SLC24A2: variants seen among roughly 807,000 people sequenced by gnomAD.
SLC24A2 encodes the protein sodium/potassium/calcium exchanger 2.
In SLC24A2, 36 loss-of-function variants were observed where a neutral mutation model predicts 62.0. The observed-to-expected ratio is 0.58, with a 90% CI of 0.44 to 0.77. The LOEUF (loss-of-function observed/expected upper bound fraction) is 0.77, where lower values mean the gene tolerates loss of function less well. Ranked by LOEUF, SLC24A2 falls within the 30% of genes least tolerant of loss-of-function variation. SLC24A2 has a pLI of 0.00. For missense variants in SLC24A2, 846 were observed against 817.9 expected, an observed-to-expected ratio of 1.03 and a Z score of -0.42; for synonymous variants, 358 against 294.0, an observed-to-expected ratio of 1.22 and a Z score of -2.23.
chr9:19,584,602 T>A (rs142884804), intron 5 of SLC24A2, among the ~76,000 whole-genome samples: 8 of 152,202 alleles, frequency 5.3e-5, no homozygotes, highest in Non-Finnish European at 1.0e-4. Context: ...GAGGCAGGCT[T>A]AATTTTTATT....
At chr9:19,913,567 G>A in the SLC24A2 span, among the ~76,000 whole-genome samples, 1,732 of 152,204 alleles carry the variant, frequency 0.011, 37 homozygotes, top group African/African-American at 0.04. Flanking sequence ...CAAAGCAAAG[G>A]ACATCGTGAT....
chr9:19,710,882 A>G (rs1359526264), intron 2 of SLC24A2, among the ~76,000 whole-genome samples: 1 of 152,196 alleles, frequency 6.6e-6, no homozygotes, highest in African/African-American at 2.4e-5. Context: ...AAGCCAGTGA[A>G]ATGGATGACT....
At chr9:20,103,054 C>G in the SLC24A2 span, among the ~76,000 whole-genome samples, 5 of 152,242 alleles carry the variant, frequency 3.3e-5, no homozygotes, top group African/African-American at 9.6e-5. Context: ...TATCCCACGC[C>G]TGGCTTGGAG....
At chr9:20,196,014 G>C in the SLC24A2 span, among the ~76,000 whole-genome samples, 1 of 152,040 alleles carries the variant, frequency 6.6e-6, no homozygotes, top group Non-Finnish European at 1.5e-5. Context: ...TACAATATCT[G>C]TTTAATAGCA....
In SLC24A2 at chr9:19,511,518, A is replaced by G. The variant is rs1442518936; in HGVS notation, c.*4635T>C. 1 of 152,194 alleles carries G rather than the reference A, an allele frequency of 6.6e-6. No individual in the cohort carries two copies. The highest frequency in any genetic ancestry group is 1.5e-5 in the Non-Finnish European group (1 of 68,028). 9.4% of individuals were successfully genotyped at this position (152,194 alleles called of 1,614,324 possible). ...TTTCTTGGAATCCTAGGAAATTAAT[A>G]TCTCCTTTCTTCCCTTTCCTTATTA... On this transcript the variant is annotated 3_prime_UTR_variant, in exon 11 of 11. Transcript: ENST00000341998.
chr9:19,664,933 A>T (rs1263821192), intron 2 of SLC24A2, among the ~76,000 whole-genome samples: 4 of 152,116 alleles, frequency 2.6e-5, no homozygotes, highest in African/African-American at 9.7e-5. Context: ...TGACAGAATA[A>T]ATTTCTGTGG....
At chr9:20,159,424 A>C in the SLC24A2 span, among the ~76,000 whole-genome samples, 1 of 151,548 alleles carries the variant, frequency 6.6e-6, no homozygotes, top group Non-Finnish European at 1.5e-5. Context: ...GGCCCCAGAA[A>C]CCAATTTTCA....
the SLC24A2 span, among the ~76,000 whole-genome samples, chr9:20,047,676 T>A: frequency 1.4e-5 from 2 of 146,694 alleles, no homozygotes; most frequent in African/African-American, 5.0e-5. Flanking sequence ...TAAATGTACA[T>A]AGAGGAAATG....
chr9:20,238,877 G>A, the SLC24A2 span, among the ~76,000 whole-genome samples: 1 of 152,128 alleles, frequency 6.6e-6, no homozygotes, highest in African/African-American at 2.4e-5. Context: ...GGCCTTATAA[G>A]AAGAGGAAAA....
chr9:19,947,086 T>C, the SLC24A2 span, among the ~76,000 whole-genome samples: 2 of 152,188 alleles, frequency 1.3e-5, no homozygotes, highest in Non-Finnish European at 2.9e-5. Flanking sequence ...GGTCAATACA[T>C]GGCAGGGAAA....
the SLC24A2 span, among the ~76,000 whole-genome samples, chr9:20,088,033 T>C: frequency 3.3e-5 from 5 of 152,162 alleles, no homozygotes; most frequent in African/African-American, 4.8e-5. Flanking sequence ...TGTAGAGATA[T>C]GTAGAGTCTT....
chr9:19,826,173 C>CAAAAAAAAAAAAAAAAAAA, the SLC24A2 span, among the ~76,000 whole-genome samples: 1 of 110,740 alleles, frequency 9.0e-6, no homozygotes, highest in Non-Finnish European at 1.9e-5. Flanking sequence ...TGATGCATTG[C>CAAAAAAAAAAAAAAAAAAA]AAAAAAAAAA....
intron 7 of SLC24A2, among the ~76,000 whole-genome samples, chr9:19,568,577 T>C (rs1009529613): frequency 6.6e-6 from 1 of 152,242 alleles, no homozygotes; most frequent in Admixed American, 6.5e-5. Context: ...AAACCATTAT[T>C]ATCCCTGTTT....
At chr9:20,005,387 T>C in the SLC24A2 span, among the ~76,000 whole-genome samples, 2 of 152,198 alleles carry the variant, frequency 1.3e-5, no homozygotes, top group African/African-American at 4.8e-5. Context: ...CTGTGTCTAA[T>C]ATTGTGCTGA....
At chr9:20,000,456 A>T in the SLC24A2 span, among the ~76,000 whole-genome samples, 30 of 152,308 alleles carry the variant, frequency 2.0e-4, no homozygotes, top group East Asian at 5.8e-3. Context: ...CCAGTTCTTG[A>T]TAAACATTGT....
the SLC24A2 span, among the ~76,000 whole-genome samples, chr9:20,125,993 G>T: frequency 1.8e-4 from 28 of 152,272 alleles, no homozygotes; most frequent in Non-Finnish European, 3.7e-4. Flanking sequence ...TGTTTTTCCT[G>T]CCACTTCAGG....
chr9:20,038,781 T>C, the SLC24A2 span, among the ~76,000 whole-genome samples: 18 of 152,182 alleles, frequency 1.2e-4, no homozygotes, highest in Admixed American at 9.2e-4. Context: ...AGGCCTGATA[T>C]TACAGTGGCA....
At chr9:19,888,594 GA>G in the SLC24A2 span, among the ~76,000 whole-genome samples, 1 of 152,276 alleles carries the variant, frequency 6.6e-6, no homozygotes, top group East Asian at 1.9e-4. Context: ...GTAGGCCTAA[GA>G]GGGATTCTGG....
At chr9:20,189,597 C>T in the SLC24A2 span, among the ~76,000 whole-genome samples, 3 of 152,166 alleles carry the variant, frequency 2.0e-5, no homozygotes, top group Admixed American at 2.0e-4. Flanking sequence ...TTTGAGCTAT[C>T]CCCTTTGAAA....
Sources: allele counts gnomAD v4.1 joint callset (sites outside exome capture counted in the v4.1 genomes callset), GRCh38; gene constraint gnomAD v4.1.1; transcripts MANE v1.5; gene names NCBI Gene and HGNC (gene_info 2026-07-23, HGNC 2026-07-21).